Variants in CARMIL1 observed in about 807,000 individuals in gnomAD.
CARMIL1 encodes the protein F-actin-uncapping protein LRRC16A.
In CARMIL1, 90 loss-of-function variants were observed where a neutral mutation model predicts 177.1. The observed-to-expected ratio is 0.51, with a 90% confidence interval of 0.43 to 0.61. CARMIL1 has a LOEUF of 0.61. CARMIL1 is among the 20% of genes least tolerant of loss of function. The pLI, the probability that CARMIL1 is intolerant of heterozygous loss-of-function variation, is 0.00. For synonymous variants in CARMIL1, 577 were observed against 606.2 expected, an observed-to-expected ratio of 0.95 and a Z score of 0.71; for missense variants, 1,380 against 1,667.0, an observed-to-expected ratio of 0.83 and a Z score of 3.00.
chr6:25,522,823 A>G (rs965959204), intron 23 of CARMIL1, among the ~76,000 whole-genome samples: 1 of 152,014 alleles, frequency 6.6e-6, no homozygotes, highest in Non-Finnish European at 1.5e-5. Flanking sequence ...TGATTGATTG[A>G]TTGGTTGACA....
chr6:25,346,059 TTAGGAGAG>T (rs1272833441), intron 2 of CARMIL1, among the ~76,000 whole-genome samples: 2 of 152,238 alleles, frequency 1.3e-5, no homozygotes, highest in Non-Finnish European at 1.5e-5. Flanking sequence ...TTCACCTGGA[TTAGGAGAG>T]TATCTTTCTA....
At chr6:25,358,470 A>G (rs985236259) in intron 2 of CARMIL1, among the ~76,000 whole-genome samples, 12 of 152,176 alleles carry the variant, frequency 7.9e-5, no homozygotes, top group Admixed American at 2.0e-4. Flanking sequence ...AGAGTTTTCT[A>G]TTGTTTTGGG....
chr6:25,538,489 T>C (rs1399078235), intron 25 of CARMIL1, among the ~76,000 whole-genome samples: 1 of 152,182 alleles, frequency 6.6e-6, no homozygotes, highest in Non-Finnish European at 1.5e-5. Flanking sequence ...TCAGATACTC[T>C]TGTGATACAA....
At position 25,420,150 on chromosome 6, in the gene CARMIL1, C is replaced by T. The variant is rs79463028; in HGVS notation, c.175C>T (p.Arg59Ter). 9.3e-6 allele frequency: 15 copies of T among 1,613,376 alleles called. No homozygotes were observed. Among genetic ancestry groups the T allele is most frequent in the Admixed American group, 3.3e-5 (2 of 59,968 alleles). ...TSCRAFLVTA[R>*]IPTKLELTFS... Reference sequence around the variant, plus strand: ...ATGCCGAGCCTTCCTTGTAACAGCGCGAATCCCCACCAAGGTAAGTGTTGA... The same window carrying T: ...ATGCCGAGCCTTCCTTGTAACAGCGTGAATCCCCACCAAGGTAAGTGTTGA... Residue 59 changes from arginine (R) to a stop codon, truncating the protein, a stop_gained, in exon 3 of 37, where the codon CGA becomes TGA. Coordinates refer to ENST00000329474, the MANE Select transcript of CARMIL1 (RefSeq NM_017640.6). LOFTEE classifies it high-confidence loss of function.
rs563314115 is a variant in CARMIL1, at chr6:25,430,260, A to G, written c.249+3700A>G. 5.8e-5 allele frequency among the ~76,000 whole-genome samples: 8 copies of G among 138,738 alleles called. No individual in the cohort carries two copies. In the East Asian group the frequency reaches 1.2e-3, roughly 22 times the overall value. The allele number at this position is 138,738 out of a possible 152,430, so 91.0% of individuals were successfully genotyped here. ...TTTAACATTTTTGGCTGGCTTCTCTATTAGAGAATCATAGATTTATAGAAT... is the reference window on the plus strand; with the variant it reads ...TTTAACATTTTTGGCTGGCTTCTCTGTTAGAGAATCATAGATTTATAGAAT... On this transcript the variant is annotated intron_variant, in intron 4 of 36. Coordinates refer to ENST00000329474, the MANE Select transcript of CARMIL1 (RefSeq NM_017640.6).
chr6:25,517,437 T>C (rs750334918), intron 22 of CARMIL1, 22 bp downstream of exon 22: 1 of 1,601,758 alleles, frequency 6.2e-7, no homozygotes, highest in Non-Finnish European at 8.5e-7. Context: ...TTAGGATTTC[T>C]TTCTAGGAAA....
intron 2 of CARMIL1, among the ~76,000 whole-genome samples, chr6:25,357,553 T>C (rs1409161970): frequency 6.6e-6 from 1 of 152,166 alleles, no homozygotes; most frequent in Non-Finnish European, 1.5e-5. Context: ...CACTGCACTC[T>C]AGCCTAGGGG....
At chr6:25,611,953 A>G (rs538088301) in intron 36 of CARMIL1, among the ~76,000 whole-genome samples, 1 of 152,300 alleles carries the variant, frequency 6.6e-6, no homozygotes, top group African/African-American at 2.4e-5. Flanking sequence ...TAAATGTTTC[A>G]GAGCTTTAGG....
At chr6:25,317,820 C>T (rs996324001) in intron 2 of CARMIL1, among the ~76,000 whole-genome samples, 1 of 152,008 alleles carries the variant, frequency 6.6e-6, no homozygotes, top group African/African-American at 2.4e-5. Flanking sequence ...CCGCATTATC[C>T]TCCCAAAGTG....
chr6:25,604,931 C>T (rs372519834), intron 34 of CARMIL1, 38 bp downstream of exon 34: 42 of 1,491,746 alleles, frequency 2.8e-5, no homozygotes, highest in Admixed American at 2.1e-4. Context: ...TTAGGAAAAG[C>T]GCTTACCTTC....
intron 11 of CARMIL1, among the ~76,000 whole-genome samples, chr6:25,480,663 A>AT (rs1397474853): frequency 6.8e-5 from 10 of 147,944 alleles, no homozygotes; most frequent in Non-Finnish European, 1.3e-4. Flanking sequence ...ATTTATATTT[A>AT]ATTTAAATTT....
intron 21 of CARMIL1, among the ~76,000 whole-genome samples, chr6:25,516,245 C>T (rs747293273): frequency 1.2e-4 from 19 of 152,026 alleles, no homozygotes; most frequent in Admixed American, 2.0e-4. Context: ...TCATGCCTGC[C>T]GATATAAAGA....
intron 10 of CARMIL1, among the ~76,000 whole-genome samples, chr6:25,471,567 T>G (rs1025370417): frequency 9.2e-5 from 14 of 152,312 alleles, no homozygotes; most frequent in Middle Eastern, 3.4e-3. Context: ...CCTCATTCTC[T>G]TCACTCTTAA....
intron 2 of CARMIL1, among the ~76,000 whole-genome samples, chr6:25,413,689 T>C (rs760825097): frequency 3.0e-4 from 45 of 152,122 alleles, no homozygotes; most frequent in Non-Finnish European, 5.4e-4. Context: ...GAAAATGTGG[T>C]TTGCATGTTA....
intron 31 of CARMIL1, 34 bp from the exon 32 acceptor site, chr6:25,594,381 A>T: frequency 7.6e-7 from 1 of 1,313,278 alleles, no homozygotes; most frequent in Non-Finnish European, 1.1e-6. Flanking sequence ...ATCAAGGTGC[A>T]TGTGAATTAA....
intron 32 of CARMIL1, among the ~76,000 whole-genome samples, chr6:25,597,486 T>A (rs1814965751): frequency 6.6e-6 from 1 of 152,256 alleles, no homozygotes; most frequent in East Asian, 1.9e-4. Context: ...GTCCCCTTTT[T>A]CATTTGCTTT....
Position 25,558,135 on chromosome 6 carries a change from C to G in CARMIL1, c.2742+1285C>G, listed in dbSNP as rs1810794484. ...CTTTTGAGGCATTAGAAGTTGGACA[C>G]TATGTTATAGGATAATTGTTCTGGA... On this transcript the variant is annotated intron_variant, in intron 29 of 36. Coordinates refer to ENST00000329474, the MANE Select transcript of CARMIL1 (RefSeq NM_017640.6). This position sits in a 1 kb window ranked among gnomAD's most constrained non-coding sequence, Gnocchi z 4.1. 6.6e-6 allele frequency among the ~76,000 whole-genome samples: 1 copy of G among 152,060 alleles called. No homozygotes were observed. Among genetic ancestry groups the G allele is most frequent in the African/African-American group, 2.4e-5 (1 of 41,412 alleles).
chr6:25,615,964 C>T (rs982407996), intron 36 of CARMIL1, among the ~76,000 whole-genome samples: 8 of 152,156 alleles, frequency 5.3e-5, no homozygotes, highest in Admixed American at 2.0e-4. Flanking sequence ...ATATCACGTT[C>T]GAGCCTCTCT....
chr6:25,528,118 T>C (rs1807345271), intron 23 of CARMIL1, among the ~76,000 whole-genome samples: 1 of 152,222 alleles, frequency 6.6e-6, no homozygotes. Context: ...CTAGTTATCA[T>C]TTATACCTTT....
Sources: allele counts gnomAD v4.1 joint callset (sites outside exome capture counted in the v4.1 genomes callset), GRCh38; gene constraint gnomAD v4.1.1; non-coding constraint Gnocchi (gnomAD v3.1); transcripts MANE v1.5; gene names NCBI Gene and HGNC (gene_info 2026-07-23, HGNC 2026-07-21).